The following MED13L variants were observed in gnomAD, a reference collection of about 807,000 sequenced individuals.
The protein encoded by MED13L is mediator of RNA polymerase II transcription subunit 13-like.
MED13L carries 7 observed loss-of-function variants against 220.9 expected under a neutral mutation model. The ratio of observed to expected loss-of-function variants is 0.03; its 90% CI spans 0.02 to 0.06. The LOEUF (loss-of-function observed/expected upper bound fraction) is 0.06. Among genes scored for constraint, MED13L ranks in the 10% least tolerant of loss-of-function variants. The pLI is 1.00. For missense variants in MED13L, 1,965 were observed against 2,760.5 expected (o/e 0.71, Z 6.46); for synonymous variants, 1,011 against 1,015.2 (o/e 1.00, Z 0.08).
At chr12:116,100,970 G>GA (rs761350762) in intron 3 of MED13L, among the ~76,000 whole-genome samples, 113 of 152,232 alleles carry the variant, frequency 7.4e-4, no homozygotes, top group Non-Finnish European at 1.4e-3. Context: ...TCTGTCCTCA[G>GA]AAAAAATGTG....
At chr12:116,266,156 G>C (rs1872814266) in intron 1 of MED13L, among the ~76,000 whole-genome samples, 1 of 152,172 alleles carries the variant, frequency 6.6e-6, no homozygotes, top group South Asian at 2.1e-4. Flanking sequence ...CTAAGTATTT[G>C]TTTACTGGCT....
Position 115,961,171 on chromosome 12 carries a change from A to C in MED13L, c.*95T>G. On this transcript the variant is annotated 3_prime_UTR_variant, in exon 31 of 31. Transcript: ENST00000281928. ...CAGGACTGTGGAGAGTGGTCTGAAG[A>C]AAAGGATGTGGGTTATTTGCAGAGT... The C allele has an allele frequency of 1.3e-6, 2 of 1,512,114 alleles. No homozygotes were observed. Among genetic ancestry groups the C allele is most frequent in the Non-Finnish European group, 1.8e-6 (2 of 1,090,490 alleles). The allele number at this position is 1,512,114 out of a possible 1,614,324, so 93.7% of individuals were successfully genotyped here.
intron 3 of MED13L, among the ~76,000 whole-genome samples, chr12:116,108,393 G>C (rs987309607): frequency 2.1e-5 from 3 of 140,358 alleles, no homozygotes; most frequent in Non-Finnish European, 3.1e-5. Flanking sequence ...AAAAGAAAGG[G>C]GGGGGGGGCG....
At chr12:116,084,728 T>C (rs941037361) in intron 4 of MED13L, among the ~76,000 whole-genome samples, 1 of 150,054 alleles carries the variant, frequency 6.7e-6, no homozygotes, top group Non-Finnish European at 1.5e-5. Flanking sequence ...GAGGTTGCAG[T>C]GAGCCACCAG....
intron 2 of MED13L, among the ~76,000 whole-genome samples, chr12:116,155,052 C>G (rs1210399426): frequency 6.6e-6 from 1 of 152,168 alleles, no homozygotes; most frequent in Non-Finnish European, 1.5e-5. Context: ...GTCTCAAACT[C>G]TTGACCTCAA....
chr12:116,082,166 A>T (rs1487176100), intron 4 of MED13L, among the ~76,000 whole-genome samples: 1 of 152,202 alleles, frequency 6.6e-6, no homozygotes, highest in South Asian at 2.1e-4. Flanking sequence ...TTTTACTCCC[A>T]ATTTTCCACT....
chr12:116,274,428 A>C lies in MED13L; in HGVS notation c.72+2632T>G, dbSNP rs948400122. 3.6e-4 allele frequency among the ~76,000 whole-genome samples: 54 copies of C among 151,432 alleles called. 1 individual carries two copies. The highest frequency in any genetic ancestry group is 1.8e-3 in the Admixed American group (27 of 15,242). On this transcript the variant is annotated intron_variant, in intron 1 of 30. Transcript: ENST00000281928. ...TCTCTGCAAAAAAAAACAAAACAAA[A>C]AAAAAAAAAACCCTGCAGGCCAAAA...
chr12:116,091,690 T>C (rs1306800049), intron 4 of MED13L, among the ~76,000 whole-genome samples: 3 of 152,240 alleles, frequency 2.0e-5, no homozygotes, highest in African/African-American at 7.2e-5. Flanking sequence ...TGCAAGCTAC[T>C]GCAATCTGAA....
intron 2 of MED13L, among the ~76,000 whole-genome samples, chr12:116,184,054 T>A (rs1880720011): frequency 6.6e-6 from 1 of 152,114 alleles, no homozygotes; most frequent in Admixed American, 6.6e-5. Context: ...CTACAATCTA[T>A]CCTCACTGTG....
chr12:116,166,907 T>G (rs1174605865), intron 2 of MED13L, among the ~76,000 whole-genome samples: 2 of 152,190 alleles, frequency 1.3e-5, no homozygotes, highest in Admixed American at 1.3e-4. Flanking sequence ...ATCACATTTT[T>G]CAATCACAGT....
chr12:116,225,681 T>C (rs1258429469), intron 2 of MED13L, among the ~76,000 whole-genome samples: 3 of 152,208 alleles, frequency 2.0e-5, no homozygotes, highest in Non-Finnish European at 2.9e-5. Flanking sequence ...TTATTAAAAG[T>C]AGCAAACACC....
chr12:116,139,269 C>T (rs1226184642), intron 2 of MED13L, among the ~76,000 whole-genome samples: 1 of 152,174 alleles, frequency 6.6e-6, no homozygotes, highest in Non-Finnish European at 1.5e-5. Flanking sequence ...GTCACTGTTG[C>T]ATAAACTAAA....
chr12:115,961,936 G>A (rs1254698042), intron 30 of MED13L, among the ~76,000 whole-genome samples: 3 of 151,728 alleles, frequency 2.0e-5, no homozygotes, highest in Non-Finnish European at 4.4e-5. Flanking sequence ...CTGCACTCCA[G>A]CCTGGGTGAC....
chr12:116,230,934 A>T (rs1246342282), intron 2 of MED13L, among the ~76,000 whole-genome samples: 2 of 152,344 alleles, frequency 1.3e-5, no homozygotes, highest in East Asian at 3.9e-4. Context: ...TGGAAAATTC[A>T]ATGTCAACAC....
intron 3 of MED13L, among the ~76,000 whole-genome samples, chr12:116,104,941 T>C (rs1444032665): frequency 2.0e-5 from 3 of 152,172 alleles, no homozygotes; most frequent in Non-Finnish European, 2.9e-5. Context: ...AAAAACTCTT[T>C]TAAGTTTTTG....
At chr12:116,122,272 C>T (rs1230462818) in intron 2 of MED13L, among the ~76,000 whole-genome samples, 1 of 152,066 alleles carries the variant, frequency 6.6e-6, no homozygotes, top group African/African-American at 2.4e-5. Flanking sequence ...ACCAAAGAAA[C>T]TCAGTAACAA....
intron 2 of MED13L, among the ~76,000 whole-genome samples, chr12:116,135,594 G>A (rs1876470099): frequency 6.6e-6 from 1 of 152,134 alleles, no homozygotes; most frequent in African/African-American, 2.4e-5. Context: ...AATTTGGGGT[G>A]GTTTGTTACA....
At chr12:116,191,264 C>T (rs1881263457) in intron 2 of MED13L, among the ~76,000 whole-genome samples, 2 of 152,068 alleles carry the variant, frequency 1.3e-5, no homozygotes, top group Admixed American at 6.5e-5. Context: ...TACATTGGTG[C>T]TCTCAAGGAT....
At chr12:115,988,802 C>T (rs1877869720) in intron 17 of MED13L, among the ~76,000 whole-genome samples, 7 of 152,266 alleles carry the variant, frequency 4.6e-5, no homozygotes, top group Admixed American at 4.6e-4. Flanking sequence ...AAAGACGACA[C>T]CACTGATTCA....
Sources: gnomAD v4.1 joint callset for allele counts (sites outside exome capture counted in the v4.1 genomes callset) on GRCh38, gnomAD v4.1.1 for gene constraint, MANE v1.5 for transcripts, NCBI Gene and HGNC (gene_info 2026-07-23, HGNC 2026-07-21) for gene names.